DYNC2H1: variants seen among roughly 807,000 people sequenced by gnomAD.
DYNC2H1 encodes dynein cytoplasmic 2 heavy chain 1.
A neutral mutation model predicts 570.0 loss-of-function variants in DYNC2H1; 410 were observed. The ratio of observed to expected loss-of-function variants is 0.72; its 90% CI spans 0.66 to 0.78. DYNC2H1 has a LOEUF of 0.78. DYNC2H1 is among the 30% of genes least tolerant of loss of function. The pLI, the probability that DYNC2H1 is intolerant of heterozygous loss-of-function variation, is 0.00. For missense variants in DYNC2H1, 4,865 were observed against 5,046.4 expected (o/e 0.96, Z 1.09); for synonymous variants, 1,688 against 1,677.6 (o/e 1.01, Z -0.15).
At chr11:103,333,364 T>C (rs971353401) in intron 82 of DYNC2H1, among the ~76,000 whole-genome samples, 1 of 152,004 alleles carries the variant, frequency 6.6e-6, no homozygotes, top group African/African-American at 2.4e-5. Context: ...CCCGGGTTCA[T>C]GCCATTCTCC....
chr11:103,184,352 G>A (rs571619010), intron 40 of DYNC2H1, among the ~76,000 whole-genome samples: 11 of 152,004 alleles, frequency 7.2e-5, no homozygotes, highest in Admixed American at 6.6e-4. Flanking sequence ...GAAAGACTGA[G>A]AGCCATTTTT....
intron 84 of DYNC2H1, among the ~76,000 whole-genome samples, chr11:103,423,987 G>T (rs1486093297): frequency 6.6e-6 from 1 of 151,896 alleles, no homozygotes; most frequent in Non-Finnish European, 1.5e-5. Context: ...TGAAGTAGAT[G>T]GGAATAAATT....
At chr11:103,165,397 G>A (rs1202550268) in intron 30 of DYNC2H1, among the ~76,000 whole-genome samples, 2 of 152,098 alleles carry the variant, frequency 1.3e-5, no homozygotes, top group African/African-American at 4.8e-5. Context: ...CCAAAGTTCT[G>A]GGATTACAGG....
intron 82 of DYNC2H1, among the ~76,000 whole-genome samples, chr11:103,328,058 T>C (rs1938585783): frequency 6.6e-6 from 1 of 152,232 alleles, no homozygotes; most frequent in Non-Finnish European, 1.5e-5. Context: ...TTTTACTTTT[T>C]ACTCACTCGA....
In DYNC2H1 at chr11:103,152,213, T is replaced by A; in HGVS notation, c.3024T>A (p.Ile1008=). 1.2e-6 allele frequency: 2 copies of A among 1,609,466 alleles called. No homozygotes were observed. Among genetic ancestry groups the A allele is most frequent in the Admixed American group, 1.7e-5 (1 of 59,636 alleles). ...RTVAGGGLET[I]SNLKAKWDKF... is the part of the protein sequence containing the mutation. ...TGGCTGGTGGAGGTTTAGAAACAAT[T>A]AGTAATTTGAAAGCCAAGTGGGATA... The change falls in exon 21 of 89, where the codon ATT becomes ATA. Residue 1008 remains isoleucine, a synonymous_variant. Transcript: ENST00000375735.
intron 82 of DYNC2H1, among the ~76,000 whole-genome samples, chr11:103,350,441 G>A (rs905991394): frequency 6.6e-6 from 1 of 152,040 alleles, no homozygotes; most frequent in Non-Finnish European, 1.5e-5. Flanking sequence ...CATATGTGCA[G>A]TGTTGAATAA....
chr11:103,399,877 G>A lies in DYNC2H1; in HGVS notation c.12366+5G>A. Reference sequence around the variant, plus strand: ...AGTGCTTTATTAAACCAAAAGGTAAGCGAGTACTAACTGTATGTATTTTTA... The same window carrying A: ...AGTGCTTTATTAAACCAAAAGGTAAACGAGTACTAACTGTATGTATTTTTA... On this transcript the variant is annotated splice_donor_5th_base_variant and intron_variant, in intron 84 of 88. Coordinates refer to ENST00000375735, the MANE Select transcript of DYNC2H1 (RefSeq NM_001377.3). 3 of 1,608,806 alleles carry A rather than the reference G, an allele frequency of 1.9e-6. No individual in the cohort carries two copies. Among genetic ancestry groups the A allele is most frequent in the African/African-American group, 1.3e-5 (1 of 74,890 alleles).
At chr11:103,309,279 A>G (rs1341637063) in intron 78 of DYNC2H1, among the ~76,000 whole-genome samples, 1 of 147,574 alleles carries the variant, frequency 6.8e-6, no homozygotes, top group African/African-American at 2.5e-5. Flanking sequence ...GGCTCAAGCA[A>G]TCCTCCCACC....
intron 17 of DYNC2H1, 97 bp from the exon 18 acceptor site, chr11:103,143,171 C>A: frequency 1.6e-6 from 2 of 1,257,522 alleles, no homozygotes; most frequent in Non-Finnish European, 2.2e-6. Context: ...TCATATTTTC[C>A]TCTTTTTATT....
chr11:103,353,478 C>T (rs1940152436), intron 82 of DYNC2H1, among the ~76,000 whole-genome samples: 1 of 152,092 alleles, frequency 6.6e-6, no homozygotes, highest in Non-Finnish European at 1.5e-5. Flanking sequence ...TCTGTATCTT[C>T]TGGTAATTTT....
chr11:103,474,648 G>A (rs1322690098), intron 88 of DYNC2H1, among the ~76,000 whole-genome samples: 1 of 152,090 alleles, frequency 6.6e-6, no homozygotes, highest in African/African-American at 2.4e-5. Flanking sequence ...TTGAGAGAGA[G>A]AGACCATATT....
intron 70 of DYNC2H1, among the ~76,000 whole-genome samples, chr11:103,276,981 C>A (rs574374806): frequency 2.0e-4 from 30 of 152,166 alleles, no homozygotes; most frequent in Admixed American, 1.9e-3. Flanking sequence ...AATCTCTGAA[C>A]CTTATTTATA....
intron 85 of DYNC2H1, among the ~76,000 whole-genome samples, chr11:103,453,977 G>A (rs1448641291): frequency 1.3e-5 from 2 of 151,850 alleles, no homozygotes; most frequent in African/African-American, 2.4e-5. Context: ...ATTATGCTTC[G>A]CTAAGAAGAT....
At chr11:103,183,477 CTGTT>C (rs906918416) in intron 40 of DYNC2H1, among the ~76,000 whole-genome samples, 10 of 151,808 alleles carry the variant, frequency 6.6e-5, no homozygotes, top group African/African-American at 1.9e-4. Context: ...GGTCACACCG[CTGTT>C]TGTTTGTTTG....
chr11:103,181,654 C>G lies in DYNC2H1; in HGVS notation c.6348-103C>G. 7.9e-7 allele frequency: 1 copy of G among 1,272,060 alleles called. No individual in the cohort carries two copies. Among genetic ancestry groups the G allele is most frequent in the Non-Finnish European group, 1.1e-6 (1 of 931,220 alleles). The allele number at this position is 1,272,060 out of a possible 1,614,324, so 78.8% of individuals were successfully genotyped here. On this transcript the variant is annotated intron_variant, in intron 39 of 88. Coordinates refer to ENST00000375735, the MANE Select transcript of DYNC2H1 (RefSeq NM_001377.3). The surrounding 1 kb of genome is among the most constrained non-coding windows in gnomAD (Gnocchi z 5.0). Reference sequence around the variant, plus strand: ...AAGCCACCTTTTGTATGCTAGCAGACAAAATATGTGCGTAGAATAATGTTT... The same window carrying G: ...AAGCCACCTTTTGTATGCTAGCAGAGAAAATATGTGCGTAGAATAATGTTT...
At position 103,209,330 on chromosome 11, in the gene DYNC2H1, TTAA is replaced by T. The variant is rs1365319557; in HGVS notation, c.8455-538_8455-536del. On this transcript the variant is annotated intron_variant, in intron 52 of 88. Coordinates refer to ENST00000375735, the MANE Select transcript of DYNC2H1 (RefSeq NM_001377.3). The surrounding 1 kb of genome is among the most constrained non-coding windows in gnomAD (Gnocchi z 4.2). ...GCATTCTTATAAGGTTATCTTTACT[TTAA>T]TAATAATGATATCTGCTTATGAAAC... 1.3e-5 allele frequency among the ~76,000 whole-genome samples: 2 copies of T among 152,028 alleles called. No homozygotes were observed. The highest frequency in any genetic ancestry group is 2.9e-5 in the Non-Finnish European group (2 of 67,958).
Position 103,153,332 on chromosome 11 carries a change from A to G in DYNC2H1, c.3126A>G (p.Ser1042=), listed in dbSNP as rs1860657409. The G allele has an allele frequency of 1.3e-6, 2 of 1,540,976 alleles. No homozygotes were observed. Among genetic ancestry groups the G allele is most frequent in the Non-Finnish European group, 1.7e-6 (2 of 1,144,352 alleles). The change falls in exon 22 of 89, where the codon TCA becomes TCG. Residue 1042 remains serine (S), a synonymous_variant. Coordinates refer to ENST00000375735, the MANE Select transcript of DYNC2H1 (RefSeq NM_001377.3). The part of the protein sequence containing the change: ...QIEVMKGNVK[S]RLQIYYQELE... ...AAGTGATGAAAGGAAATGTGAAATC[A>G]CGTCTTCAGATCTATTATCAAGAAC... is the stretch of plus-strand genomic sequence containing the variant.
At chr11:103,202,294 ATTTTTTTT>A in intron 50 of DYNC2H1, among the ~76,000 whole-genome samples, 1 of 132,716 alleles carries the variant, frequency 7.5e-6, no homozygotes, top group African/African-American at 2.7e-5. Flanking sequence ...AGAAACACAG[ATTTTTTTT>A]TTTTTTTTTT....
At position 103,187,419 on chromosome 11, in the gene DYNC2H1, C is replaced by T. The variant is rs1402847477; in HGVS notation, c.6973C>T (p.Arg2325Ter). The T allele has an allele frequency of 5.0e-6, 8 of 1,613,118 alleles. No individual in the cohort carries two copies. Among genetic ancestry groups the T allele is most frequent in the South Asian group, 1.1e-5 (1 of 91,080 alleles). Residue 2325 changes from arginine to a stop codon, truncating the protein, a stop_gained, in exon 43 of 89, where the codon CGA (arginine) becomes TGA (stop). Coordinates refer to ENST00000375735, the MANE Select transcript of DYNC2H1 (RefSeq NM_001377.3). LOFTEE classifies it high-confidence loss of function. ...TVHCSAQTTS[R>*]HLLQKLSQTC... ...TCACTGTAGTGCACAAACCACTTCT[C>T]GACATCTCCTGCAGAAACTGAGCCA...
Sources: allele counts gnomAD v4.1 joint callset (sites outside exome capture counted in the v4.1 genomes callset), GRCh38; gene constraint gnomAD v4.1.1; non-coding constraint Gnocchi (gnomAD v3.1); transcripts MANE v1.5; gene names NCBI Gene and HGNC (gene_info 2026-07-23, HGNC 2026-07-21).